NFX1: variants seen among roughly 807,000 people sequenced by gnomAD.
NFX1 encodes nuclear transcription factor, X-box binding 1.
A neutral mutation model predicts 137.2 loss-of-function variants in NFX1; 69 were observed. The observed-to-expected ratio is 0.50, with a 90% CI of 0.41 to 0.61. The LOEUF is 0.61. Among genes scored for constraint, NFX1 ranks in the 20% least tolerant of loss-of-function variants. The probability of loss-of-function intolerance (pLI) is 0.00; values close to 1 mark genes in which losing one functional copy is unlikely to be tolerated. For missense variants in NFX1, 1,167 were observed against 1,391.0 expected, an observed-to-expected ratio of 0.84 and a Z score of 2.56; for synonymous variants, 495 against 474.1, an observed-to-expected ratio of 1.04 and a Z score of -0.57.
At chr9:33,314,718 A>G (rs1229417723) in intron 7 of NFX1, among the ~76,000 whole-genome samples, 1 of 152,156 alleles carries the variant, frequency 6.6e-6, no homozygotes, top group Non-Finnish European at 1.5e-5. Context: ...ATCTAAGAAC[A>G]TATAAAACTA....
At chr9:33,353,683 C>CTTTTTTTTT (rs111306917) in intron 17 of NFX1, among the ~76,000 whole-genome samples, 1 of 110,098 alleles carries the variant, frequency 9.1e-6, no homozygotes, top group Non-Finnish European at 1.9e-5. Context: ...GATAGATTTG[C>CTTTTTTTTT]TTTTTTTTTT....
At chr9:33,293,548 A>G (rs1366978521) in intron 1 of NFX1, among the ~76,000 whole-genome samples, 1 of 152,254 alleles carries the variant, frequency 6.6e-6, no homozygotes, top group Non-Finnish European at 1.5e-5. Context: ...AAGTTAAAAT[A>G]AGTGATAAGT....
At chr9:33,351,533 G>C (rs759119173) in intron 15 of NFX1, 27 bp from the exon 16 acceptor site, 1 of 1,600,952 alleles carries the variant, frequency 6.2e-7, no homozygotes, top group African/African-American at 1.3e-5. Context: ...ATGGAGATGA[G>C]AATCTGGCTA....
intron 10 of NFX1, among the ~76,000 whole-genome samples, chr9:33,329,513 A>G (rs1389424397): frequency 1.3e-5 from 2 of 152,194 alleles, no homozygotes; most frequent in African/African-American, 4.8e-5. Context: ...GCATTCCACT[A>G]GGCTTAGAGA....
At chr9:33,334,712 C>T (rs139874332) in intron 11 of NFX1, among the ~76,000 whole-genome samples, 1 of 152,244 alleles carries the variant, frequency 6.6e-6, no homozygotes, top group East Asian at 1.9e-4. Context: ...ATCTCAAAGA[C>T]GTATTTCCAT....
intron 7 of NFX1, 49 bp from the exon 8 acceptor site, chr9:33,318,682 G>A (rs1822265023): frequency 6.7e-7 from 1 of 1,495,420 alleles, no homozygotes; most frequent in African/African-American, 1.4e-5. Flanking sequence ...GACATTTTAA[G>A]AACCCATACA....
chr9:33,317,432 A>AG (rs1554704304), intron 7 of NFX1, among the ~76,000 whole-genome samples: 1 of 149,884 alleles, frequency 6.7e-6, no homozygotes, highest in African/African-American at 2.5e-5. Flanking sequence ...AAAAAAAAAA[A>AG]AAAGAAAGAA....
intron 4 of NFX1, among the ~76,000 whole-genome samples, chr9:33,306,562 T>G (rs748687488): frequency 7.2e-5 from 11 of 152,080 alleles, no homozygotes; most frequent in Non-Finnish European, 1.2e-4. Flanking sequence ...ATGGCTGCAA[T>G]TTAGTGTGCA....
At chr9:33,302,989 TGAAC>T (rs1280920704) in intron 3 of NFX1, among the ~76,000 whole-genome samples, 198 bp from the exon 4 acceptor site, 2 of 149,528 alleles carry the variant, frequency 1.3e-5, no homozygotes, top group African/African-American at 4.9e-5. Context: ...TTTTTTTTAA[TGAAC>T]CCCATATTTA....
intron 15 of NFX1, 70 bp downstream of exon 15, chr9:33,347,187 A>C: frequency 8.3e-7 from 1 of 1,200,338 alleles, no homozygotes; most frequent in Non-Finnish European, 1.2e-6. Context: ...AAGAATTGTT[A>C]GTCTCATCGT....
intron 7 of NFX1, among the ~76,000 whole-genome samples, chr9:33,315,509 A>T (rs1822127321): frequency 1.3e-5 from 2 of 152,068 alleles, no homozygotes; most frequent in African/African-American, 2.4e-5. Context: ...CAGCTGTCAT[A>T]TATTCTTTCC....
intron 2 of NFX1, among the ~76,000 whole-genome samples, chr9:33,297,006 A>G (rs1821381555): frequency 6.6e-6 from 1 of 152,198 alleles, no homozygotes; most frequent in Non-Finnish European, 1.5e-5. Flanking sequence ...TCTGACCATT[A>G]AAAAGTTCAT....
chr9:33,354,293 C>T, intron 18 of NFX1, 106 bp downstream of exon 18: 1 of 861,206 alleles, frequency 1.2e-6, no homozygotes, highest in Non-Finnish European at 1.8e-6. Flanking sequence ...GCCTTGCATA[C>T]ACAATAAGTA....
At chr9:33,361,497 G>A (rs1319436064) in intron 19 of NFX1, among the ~76,000 whole-genome samples, 1 of 152,116 alleles carries the variant, frequency 6.6e-6, no homozygotes, top group African/African-American at 2.4e-5. Context: ...GAAAGGCTGG[G>A]CGCAGTGGCT....
intron 7 of NFX1, among the ~76,000 whole-genome samples, chr9:33,314,194 G>C (rs920792618): frequency 3.3e-5 from 5 of 151,952 alleles, no homozygotes; most frequent in African/African-American, 7.2e-5. Context: ...ATGTTGGCCA[G>C]GCTGGTCTTG....
intron 19 of NFX1, among the ~76,000 whole-genome samples, chr9:33,357,705 CTT>C (rs78778092): frequency 3.0e-5 from 4 of 132,064 alleles, no homozygotes; most frequent in Admixed American, 7.7e-5. Context: ...CTAAGATTTT[CTT>C]TTTTTTTTTT....
intron 11 of NFX1, 186 bp downstream of exon 11, chr9:33,332,688 TATAAG>T (rs1587849932): frequency 9.4e-6 from 5 of 529,734 alleles, no homozygotes; most frequent in Non-Finnish European, 1.4e-5. Context: ...TGCTGAAAAA[TATAAG>T]CTAAGTGCAC....
chr9:33,311,063 G>T, intron 5 of NFX1, 43 bp from the exon 6 acceptor site: 1 of 1,596,094 alleles, frequency 6.3e-7, no homozygotes, highest in Non-Finnish European at 8.6e-7. Context: ...TTCGGGTTTG[G>T]ATACATGGCT....
chr9:33,333,644 A>G (rs1228747852), intron 11 of NFX1, among the ~76,000 whole-genome samples: 1 of 152,218 alleles, frequency 6.6e-6, no homozygotes, highest in Non-Finnish European at 1.5e-5. Context: ...GAATGGAATT[A>G]CCATGGTGGG....
Sources: gnomAD v4.1 joint callset for allele counts (sites outside exome capture counted in the v4.1 genomes callset) on GRCh38, gnomAD v4.1.1 for gene constraint, MANE v1.5 for transcripts, NCBI Gene and HGNC (gene_info 2026-07-23, HGNC 2026-07-21) for gene names.